Variants in GRK4 observed in about 807,000 individuals in gnomAD.
The protein encoded by GRK4 is G protein-coupled receptor kinase 2-like.
In GRK4, 73 loss-of-function variants were observed where a neutral mutation model predicts 77.9. The observed-to-expected ratio is 0.94, with a 90% CI of 0.78 to 1.14. GRK4 has a LOEUF of 1.14. Among genes scored for constraint, GRK4 ranks in the 50% most tolerant of loss-of-function variants. The pLI is 0.00. For synonymous variants in GRK4, 257 were observed against 254.4 expected (o/e 1.01, Z -0.10); for missense variants, 729 against 700.2 (o/e 1.04, Z -0.46).
intron 4 of GRK4, among the ~76,000 whole-genome samples, chr4:3,002,734 C>A (rs527594023): frequency 6.6e-6 from 1 of 152,070 alleles, no homozygotes; most frequent in Non-Finnish European, 1.5e-5. Flanking sequence ...TGGCATGCGC[C>A]CATAGTCCCT....
intron 3 of GRK4, among the ~76,000 whole-genome samples, chr4:2,990,904 A>G (rs1279120602): frequency 6.6e-6 from 1 of 152,144 alleles, no homozygotes; most frequent in Non-Finnish European, 1.5e-5. Context: ...TGCTTTGACT[A>G]TCCTCGTGAT....
At chr4:2,979,692 A>C (rs969761330) in intron 1 of GRK4, among the ~76,000 whole-genome samples, 2 of 152,176 alleles carry the variant, frequency 1.3e-5, no homozygotes, top group Admixed American at 6.5e-5. Context: ...CAGCCTGGGC[A>C]ACAAGAGTGA....
At chr4:3,002,124 G>T (rs1479495941) in intron 4 of GRK4, among the ~76,000 whole-genome samples, 2 of 152,002 alleles carry the variant, frequency 1.3e-5, no homozygotes, top group Non-Finnish European at 2.9e-5. Flanking sequence ...TTTTGAGCTG[G>T]TAACTCTGTG....
At chr4:2,990,057 G>A (rs1393630673) in intron 3 of GRK4, among the ~76,000 whole-genome samples, 1 of 151,994 alleles carries the variant, frequency 6.6e-6, no homozygotes, top group South Asian at 2.1e-4. Context: ...ATATCATTGA[G>A]TTTGGATTTG....
At chr4:3,003,615 A>G (rs1730467069) in intron 4 of GRK4, among the ~76,000 whole-genome samples, 1 of 152,186 alleles carries the variant, frequency 6.6e-6, no homozygotes, top group South Asian at 2.1e-4. Context: ...CATTTTATTT[A>G]TCCATTCATC....
At position 2,986,998 on chromosome 4, in the gene GRK4, A is replaced by G. The variant is rs914902574; in HGVS notation, c.149-1729A>G. On this transcript the variant is annotated intron_variant, in intron 2 of 15. Transcript: ENST00000398052. The stretch of plus-strand genomic sequence containing the variant: ...GCCATACAACTTATCCATTTAAAGT[A>G]TATAATTCAATAGTTTTTAATATAT... 5 of 364,886 alleles carry G rather than the reference A, an allele frequency of 1.4e-5. No individual in the cohort carries two copies. The East Asian group carries it at 3.0e-4, about 22-fold the overall frequency. 22.6% of individuals were successfully genotyped at this position (364,886 alleles called of 1,614,324 possible).
At chr4:2,988,074 T>C (rs1181912715) in intron 2 of GRK4, among the ~76,000 whole-genome samples, 1 of 29,598 alleles carries the variant, frequency 3.4e-5, no homozygotes, top group African/African-American at 2.5e-4. Flanking sequence ...AGGCTCTGTC[T>C]CAAAAAAAAA....
chr4:2,970,519 A>G (rs1719173176), intron 1 of GRK4, among the ~76,000 whole-genome samples: 1 of 151,778 alleles, frequency 6.6e-6, no homozygotes, highest in Non-Finnish European at 1.5e-5. Flanking sequence ...TTAGCCAGGC[A>G]TGGTGGCATG....
chr4:3,027,766 A>G (rs1440185658), intron 10 of GRK4, 146 bp from the exon 11 acceptor site: 1 of 600,756 alleles, frequency 1.7e-6, no homozygotes, highest in Non-Finnish European at 2.8e-6. Context: ...AAAAAGTTAA[A>G]TGCCATTTTA....
intron 1 of GRK4, among the ~76,000 whole-genome samples, chr4:2,977,943 TATC>T (rs776533718): frequency 1.4e-4 from 21 of 152,354 alleles, no homozygotes; most frequent in Non-Finnish European, 2.4e-4. Flanking sequence ...ACTCATCCCT[TATC>T]AGGTATATAA....
intron 1 of GRK4, among the ~76,000 whole-genome samples, chr4:2,979,223 TCAAAAAAAAAAA>T (rs1254853818): frequency 7.0e-6 from 1 of 142,180 alleles, no homozygotes; most frequent in Non-Finnish European, 1.5e-5. Context: ...AGACTCCGTC[TCAAAAAAAAAAA>T]CAAAAAAAAA....
chr4:3,018,052 T>G (rs1414123352), intron 8 of GRK4, among the ~76,000 whole-genome samples: 1 of 138,472 alleles, frequency 7.2e-6, no homozygotes, highest in Non-Finnish European at 1.6e-5. Context: ...GCCCTCATCA[T>G]TTTCTTTTTC....
At chr4:3,017,661 T>C (rs978177073) in intron 8 of GRK4, among the ~76,000 whole-genome samples, 5 of 152,148 alleles carry the variant, frequency 3.3e-5, no homozygotes, top group African/African-American at 9.7e-5. Flanking sequence ...ACTGTTTTAA[T>C]ACATCATGAC....
At chr4:2,995,517 A>G (rs1294526467) in intron 4 of GRK4, among the ~76,000 whole-genome samples, 1 of 151,274 alleles carries the variant, frequency 6.6e-6, no homozygotes, top group Admixed American at 6.6e-5. Context: ...AAAAAAAAAA[A>G]AAAAAAAAAA....
chr4:3,025,451 G>A (rs894533218), intron 10 of GRK4, among the ~76,000 whole-genome samples: 1 of 141,946 alleles, frequency 7.0e-6, no homozygotes. Flanking sequence ...GTGCAGTGGC[G>A]TGATCTCGGC....
At chr4:3,017,887 T>C (rs1734976356) in intron 8 of GRK4, among the ~76,000 whole-genome samples, 1 of 152,134 alleles carries the variant, frequency 6.6e-6, no homozygotes. Flanking sequence ...ATGAAAATAT[T>C]AAAAGCTTTT....
At chr4:2,974,706 CAGTT>C (rs918458857) in intron 1 of GRK4, among the ~76,000 whole-genome samples, 3 of 152,162 alleles carry the variant, frequency 2.0e-5, no homozygotes, top group East Asian at 1.9e-4. Flanking sequence ...TTTGGGGAAA[CAGTT>C]GGTGTTCTGG....
At chr4:3,019,563 C>T in intron 8 of GRK4, 78 bp from the exon 9 acceptor site, 2 of 1,152,050 alleles carry the variant, frequency 1.7e-6, no homozygotes, top group South Asian at 2.9e-5. Context: ...AGATTATTTG[C>T]ATATTATTAG....
At chr4:2,998,601 A>G (rs1444675291) in intron 4 of GRK4, among the ~76,000 whole-genome samples, 1 of 152,156 alleles carries the variant, frequency 6.6e-6, no homozygotes, top group African/African-American at 2.4e-5. Context: ...TAAGAAAGCA[A>G]TTCCCTTTGT....
Sources: gnomAD v4.1 joint callset for allele counts (sites outside exome capture counted in the v4.1 genomes callset) on GRCh38, gnomAD v4.1.1 for gene constraint, MANE v1.5 for transcripts, NCBI Gene and HGNC (gene_info 2026-07-23, HGNC 2026-07-21) for gene names.